BMP3: variants seen among roughly 807,000 people sequenced by gnomAD.
BMP3 encodes bone morphogenetic protein 3.
A neutral mutation model predicts 38.1 loss-of-function variants in BMP3; 23 were observed. The ratio of observed to expected loss-of-function variants is 0.60; its 90% CI spans 0.43 to 0.86. The LOEUF (loss-of-function observed/expected upper bound fraction) is 0.86, where lower values mean the gene tolerates loss of function less well. BMP3 is among the 40% of genes least tolerant of loss of function. The pLI, the probability that BMP3 is intolerant of heterozygous loss-of-function variation, is 0.00. For missense variants in BMP3, 628 were observed against 579.6 expected (o/e 1.08, Z -0.86); for synonymous variants, 258 against 225.7 (o/e 1.14, Z -1.28).
intron 1 of BMP3, among the ~76,000 whole-genome samples, chr4:81,045,008 A>G (rs1033951408): frequency 1.3e-5 from 2 of 152,200 alleles, no homozygotes; most frequent in Non-Finnish European, 2.9e-5. Flanking sequence ...TAATAATTCT[A>G]TGTTTAACTT....
chr4:81,031,114 C>T lies in BMP3; in HGVS notation c.-171C>T, dbSNP rs1159437408. The T allele has an allele frequency of 8.8e-6, 6 of 683,900 alleles. No individual in the cohort carries two copies. Among genetic ancestry groups the T allele is most frequent in the Non-Finnish European group, 1.4e-5 (6 of 422,112 alleles). 42.4% of individuals were successfully genotyped at this position (683,900 alleles called of 1,614,324 possible). On this transcript the variant is annotated 5_prime_UTR_variant, in exon 1 of 3. Coordinates refer to ENST00000282701, the MANE Select transcript of BMP3 (RefSeq NM_001201.5). ...CCTGTCAGGCTGCGCTGGGTCAGCG[C>T]AGCAAGTGGGGCTGGCCGCTATCTC...
rs1740250403 is a variant in BMP3 at position 81,046,475 on chromosome 4, G to A, written c.1054G>A (p.Asp352Asn). The change falls in exon 2 of 3, where the codon GAT becomes AAT. Residue 352 changes from aspartate (D) to asparagine (N), a missense_variant. Asp to Asn is a conservative substitution (Grantham distance 23, BLOSUM62 1). Transcript: ENST00000282701. ...TCGGAAGAGCCAGACGCTCCAATTTGATGAGCAGACCCTGAAAAAGGCAAG... is the reference window on the plus strand; with the variant it reads ...TCGGAAGAGCCAGACGCTCCAATTTAATGAGCAGACCCTGAAAAAGGCAAG... Reference protein sequence around the residue: ...PHRKSQTLQFDEQTLKKARRK... With the variant: ...PHRKSQTLQFNEQTLKKARRK... The A allele has an allele frequency of 6.2e-7, 1 of 1,613,876 alleles. No individual in the cohort carries two copies. The highest frequency in any genetic ancestry group is 1.7e-5 in the Admixed American group (1 of 59,968).
In BMP3 at chr4:81,046,534, C is replaced by T; in HGVS notation, c.1113C>T (p.Ala371=). ...RKQWIEPRNC[A]RRYLKVDFAD... ...AGTGGATTGAACCTCGGAATTGCGC[C>T]AGGAGATACCTCAAGGTAGACTTTG... Residue 371 remains alanine, a synonymous_variant, in exon 2 of 3, where the codon GCC becomes GCT. Transcript: ENST00000282701. 1 of 1,614,078 alleles carries T rather than the reference C, an allele frequency of 6.2e-7. No homozygotes were observed. Among genetic ancestry groups the T allele is most frequent in the Non-Finnish European group, 8.5e-7 (1 of 1,180,014 alleles).
In BMP3 at chr4:81,031,141, CT is replaced by C. The variant is rs1008828600; in HGVS notation, c.-143del. On this transcript the variant is annotated 5_prime_UTR_variant, in exon 1 of 3. Transcript: ENST00000282701. ...GCAAGTGGGGCTGGCCGCTATCTCG[CT>C]GCACCCGGCCGCGTCCCGGGCTCCG... 114 of 873,600 alleles carry C rather than the reference CT, an allele frequency of 1.3e-4. No homozygotes were observed. Among genetic ancestry groups the C allele is most frequent in the Non-Finnish European group, 1.8e-4 (104 of 590,266 alleles). 54.1% of individuals were successfully genotyped at this position (873,600 alleles called of 1,614,324 possible).
intron 1 of BMP3, among the ~76,000 whole-genome samples, chr4:81,042,438 G>T (rs962759891): frequency 1.3e-5 from 2 of 152,162 alleles, no homozygotes; most frequent in African/African-American, 2.4e-5. Flanking sequence ...AAGAGCTTAG[G>T]TTATTTGTCT....
rs1740581198 is a variant in BMP3 at position 81,056,749 on chromosome 4, T to C, written c.*3213T>C. ...TTTGCTGTATATTAACTGATGATCA[T>C]TTATATGTTAAGATTTTTTACCTTA... is the stretch of plus-strand genomic sequence containing the variant. On this transcript the variant is annotated 3_prime_UTR_variant, in exon 3 of 3. Transcript: ENST00000282701. 3 of 152,606 alleles carry C rather than the reference T, an allele frequency of 2.0e-5. No individual in the cohort carries two copies. The highest frequency in any genetic ancestry group is 4.8e-5 in the African/African-American group (2 of 41,440). The allele number at this position is 152,606 out of a possible 1,614,324, so 9.5% of individuals were successfully genotyped here.
At chr4:81,032,209 A>AAAC (rs1553913123) in intron 1 of BMP3, among the ~76,000 whole-genome samples, 2 of 150,532 alleles carry the variant, frequency 1.3e-5, no homozygotes, top group East Asian at 2.0e-4. Context: ...AAAAAAAAAA[A>AAAC]AAAAAAAAAA....
intron 1 of BMP3, among the ~76,000 whole-genome samples, chr4:81,038,015 C>A (rs1290867515): frequency 6.6e-6 from 1 of 152,114 alleles, no homozygotes; most frequent in Non-Finnish European, 1.5e-5. Flanking sequence ...TTGAGAAACA[C>A]TGCTCTAAGC....
At position 81,053,589 on chromosome 4, in the gene BMP3, GGAC is replaced by G; in HGVS notation, c.*54_*56del. ...AATTCAATCATTAGTTTATTTTTAT[GGAC>G]TTCTTCCTGTTTTTTTTTTTTTTTT... On this transcript the variant is annotated 3_prime_UTR_variant, in exon 3 of 3. Coordinates refer to ENST00000282701, the MANE Select transcript of BMP3 (RefSeq NM_001201.5). The G allele has an allele frequency of 9.9e-7, 1 of 1,007,992 alleles. No homozygotes were observed. Among genetic ancestry groups the G allele is most frequent in the Non-Finnish European group, 1.3e-6 (1 of 746,946 alleles). 62.4% of individuals were successfully genotyped at this position (1,007,992 alleles called of 1,614,324 possible). A position where few individuals can be genotyped will look rare whatever the true frequency, so the allele number is the denominator to read the frequency against.
rs188449581 is a variant in BMP3, at chr4:81,046,345, G to C, written c.924G>C (p.Gln308His). ...ACGAGCTTCCTGGGGCAGAATACCA[G>C]TATAAAAAGGATGAGGTGTGGGAGG... is the stretch of plus-strand genomic sequence containing the variant. ...QNNELPGAEY[Q>H]YKKDEVWEER... The change falls in exon 2 of 3, where the codon CAG becomes CAC. Residue 308 changes from glutamine to histidine, a missense_variant. Physicochemically the swap from Gln to His is conservative, Grantham distance 24 (BLOSUM62 0). Transcript: ENST00000282701. 6.2e-7 allele frequency: 1 copy of C among 1,614,054 alleles called. No individual in the cohort carries two copies. Among genetic ancestry groups the C allele is most frequent in the East Asian group, 2.2e-5 (1 of 44,872 alleles).
At chr4:81,043,096 C>T (rs977103082) in intron 1 of BMP3, among the ~76,000 whole-genome samples, 1 of 152,214 alleles carries the variant, frequency 6.6e-6, no homozygotes, top group African/African-American at 2.4e-5. Flanking sequence ...GTTTCCACAT[C>T]TTTATAAAAA....
intron 1 of BMP3, among the ~76,000 whole-genome samples, chr4:81,044,661 C>T (rs765313803): frequency 2.0e-5 from 3 of 152,182 alleles, no homozygotes; most frequent in African/African-American, 7.2e-5. Context: ...TGGCAAACAC[C>T]GATCTGATTC....
chr4:81,039,134 G>A (rs1740000669), intron 1 of BMP3, among the ~76,000 whole-genome samples: 1 of 152,162 alleles, frequency 6.6e-6, no homozygotes, highest in South Asian at 2.1e-4. Flanking sequence ...CAGGGATGCT[G>A]CAATCTTGAC....
At chr4:81,032,852 A>G (rs1050075849) in intron 1 of BMP3, among the ~76,000 whole-genome samples, 1 of 152,232 alleles carries the variant, frequency 6.6e-6, no homozygotes, top group Non-Finnish European at 1.5e-5. Flanking sequence ...CTAGAGACTG[A>G]ACTGAACCAG....
At position 81,035,615 on chromosome 4, in the gene BMP3, C is replaced by G. The variant is rs563684978; in HGVS notation, c.316+4015C>G. Among the ~76,000 whole-genome samples the G allele has an allele frequency of 1.1e-4, 16 of 152,106 alleles. No individual in the cohort carries two copies. In the South Asian group the frequency reaches 3.3e-3, roughly 32 times the overall value. ...GTCCTTCCTTTAATGGAAGCAGAAG[C>G]AAGTACTATGATGTATTTGCCAGAT... On this transcript the variant is annotated intron_variant, in intron 1 of 2. Transcript: ENST00000282701.
rs1740534735 is a variant in BMP3 at position 81,055,673 on chromosome 4, A to T, written c.*2137A>T. On this transcript the variant is annotated 3_prime_UTR_variant, in exon 3 of 3. Coordinates refer to ENST00000282701, the MANE Select transcript of BMP3 (RefSeq NM_001201.5). Reference sequence around the variant, plus strand: ...GCTGTATCAACCAAAACTTCTGGCAATTCCCAGTATCACTTCTTAGCCTTC... The same window carrying T: ...GCTGTATCAACCAAAACTTCTGGCATTTCCCAGTATCACTTCTTAGCCTTC... 6.6e-6 allele frequency: 1 copy of T among 152,094 alleles called. No homozygotes were observed. The highest frequency in any genetic ancestry group is 2.1e-4 in the South Asian group (1 of 4,818). The allele number at this position is 152,094 out of a possible 1,614,324, so 9.4% of individuals were successfully genotyped here. A position where few individuals can be genotyped will look rare whatever the true frequency, so the allele number is the denominator to read the frequency against.
intron 1 of BMP3, among the ~76,000 whole-genome samples, chr4:81,042,732 C>A (rs1022513470): frequency 2.6e-5 from 4 of 152,212 alleles, no homozygotes; most frequent in African/African-American, 9.7e-5. Context: ...ACTCATATCC[C>A]TTGGAGATCA....
rs60606505 is a variant in BMP3 at position 81,053,601 on chromosome 4, G to GTTTTTTTTTTTT, written c.*74_*85dup. ...AGTTTATTTTTATGGACTTCTTCCT[G>GTTTTTTTTTTTT]TTTTTTTTTTTTTTTTTTTTGCACT... On this transcript the variant is annotated 3_prime_UTR_variant, in exon 3 of 3. Coordinates refer to ENST00000282701, the MANE Select transcript of BMP3 (RefSeq NM_001201.5). 3.0e-6 allele frequency: 1 copy of GTTTTTTTTTTTT among 330,502 alleles called. No homozygotes were observed. The highest frequency in any genetic ancestry group is 4.5e-6 in the Non-Finnish European group (1 of 222,532). The allele number at this position is 330,502 out of a possible 1,614,324, so 20.5% of individuals were successfully genotyped here.
intron 2 of BMP3, among the ~76,000 whole-genome samples, chr4:81,051,608 T>C (rs951796618): frequency 4.6e-5 from 7 of 152,206 alleles, no homozygotes; most frequent in African/African-American, 1.7e-4. Flanking sequence ...AAAAGCTTTC[T>C]TTAGAAATTA....
Sources: allele counts gnomAD v4.1 joint callset (sites outside exome capture counted in the v4.1 genomes callset), GRCh38; gene constraint gnomAD v4.1.1; transcripts MANE v1.5; gene names NCBI Gene and HGNC (gene_info 2026-07-23, HGNC 2026-07-21).